The following FGF14 variants were observed in gnomAD, a reference collection of about 807,000 sequenced individuals.
The protein encoded by FGF14 is fibroblast growth factor homologous factor 4.
A neutral mutation model predicts 25.5 loss-of-function variants in FGF14; 5 were observed. The observed-to-expected ratio is 0.20, with a 90% CI of 0.10 to 0.41. The LOEUF is 0.41. Ranked by LOEUF, FGF14 falls within the 10% of genes least tolerant of loss-of-function variation. FGF14 has a pLI of 1.00. For missense variants in FGF14, 222 were observed against 320.1 expected, an observed-to-expected ratio of 0.69 and a Z score of 2.34; for synonymous variants, 138 against 118.3, an observed-to-expected ratio of 1.17 and a Z score of -1.08.
At chr13:102,309,327 G>A (rs2055599081) in intron 1 of FGF14, among the ~76,000 whole-genome samples, 1 of 152,162 alleles carries the variant, frequency 6.6e-6, no homozygotes, top group African/African-American at 2.4e-5. Flanking sequence ...GCATAAAGGA[G>A]TTTCTGGAAC....
chr13:101,870,327 G>A (rs892105421), intron 2 of FGF14, among the ~76,000 whole-genome samples: 7 of 151,996 alleles, frequency 4.6e-5, no homozygotes, highest in African/African-American at 1.7e-4. Flanking sequence ...CTTACATCTT[G>A]AAAGAATGGG....
intron 3 of FGF14, among the ~76,000 whole-genome samples, chr13:101,832,318 CCTCT>C (rs2042711321): frequency 6.6e-6 from 1 of 152,040 alleles, no homozygotes; most frequent in Admixed American, 6.6e-5. Flanking sequence ...TGATCTCTGA[CCTCT>C]GGCCTGGAGA....
chr13:102,324,543 T>G (rs747750291), intron 1 of FGF14, among the ~76,000 whole-genome samples: 8 of 152,210 alleles, frequency 5.3e-5, no homozygotes, highest in Non-Finnish European at 1.2e-4. Flanking sequence ...ATGCTAGTGG[T>G]CCTTGTCAGG....
intron 1 of FGF14, among the ~76,000 whole-genome samples, chr13:101,894,321 T>C (rs2030281684): frequency 6.6e-6 from 1 of 152,202 alleles, no homozygotes; most frequent in African/African-American, 2.4e-5. Flanking sequence ...ATTGTCATGA[T>C]ACTTTATTTA....
At chr13:102,211,020 A>C (rs184188432) in intron 1 of FGF14, among the ~76,000 whole-genome samples, 1 of 152,232 alleles carries the variant, frequency 6.6e-6, no homozygotes, top group African/African-American at 2.4e-5. Flanking sequence ...AACTATGACC[A>C]CCTTTGTTTA....
At chr13:102,333,859 G>A (rs1329204523) in intron 1 of FGF14, among the ~76,000 whole-genome samples, 16 of 152,278 alleles carry the variant, frequency 1.1e-4, no homozygotes, top group Admixed American at 8.5e-4. Flanking sequence ...AGCCACCACA[G>A]GATGTTTCTT....
intron 1 of FGF14, among the ~76,000 whole-genome samples, chr13:101,943,822 A>ATATATATATAT (rs1266549387): frequency 7.3e-5 from 9 of 122,452 alleles, no homozygotes; most frequent in African/African-American, 4.4e-4. Flanking sequence ...TAAAAAAAAA[A>ATATATATATAT]AAAAATATAT....
At chr13:102,125,130 T>C (rs559250528) in intron 1 of FGF14, among the ~76,000 whole-genome samples, 1 of 152,288 alleles carries the variant, frequency 6.6e-6, no homozygotes, top group East Asian at 1.9e-4. Context: ...TAAGCTAAAC[T>C]CACAGATATT....
intron 1 of FGF14, among the ~76,000 whole-genome samples, chr13:102,147,015 A>G (rs2046883019): frequency 6.6e-6 from 1 of 152,240 alleles, no homozygotes; most frequent in Admixed American, 6.5e-5. Context: ...AGTGATGCTC[A>G]TTGATGGAAG....
intron 3 of FGF14, among the ~76,000 whole-genome samples, chr13:101,843,629 T>C (rs1296250921): frequency 6.6e-6 from 1 of 151,984 alleles, no homozygotes; most frequent in Non-Finnish European, 1.5e-5. Flanking sequence ...CAAATCCTTA[T>C]GATATCATAA....
chr13:102,078,052 G>C (rs2043443928), intron 1 of FGF14, among the ~76,000 whole-genome samples: 1 of 152,186 alleles, frequency 6.6e-6, no homozygotes. Flanking sequence ...AACAAATACT[G>C]CATGTCCTCA....
intron 1 of FGF14, among the ~76,000 whole-genome samples, chr13:101,884,139 C>G (rs951038248): frequency 1.4e-5 from 2 of 142,804 alleles, no homozygotes; most frequent in Non-Finnish European, 1.5e-5. Context: ...AAGAGCAACA[C>G]AAAAAGGAAA....
chr13:101,890,925 CT>C (rs373528994), intron 1 of FGF14, among the ~76,000 whole-genome samples: 25 of 149,072 alleles, frequency 1.7e-4, no homozygotes, highest in South Asian at 6.4e-4. Flanking sequence ...TTTCAAGAGC[CT>C]TTTTTTTTTC....
At chr13:102,291,481 TC>T (rs2054392589) in intron 1 of FGF14, among the ~76,000 whole-genome samples, 1 of 152,170 alleles carries the variant, frequency 6.6e-6, no homozygotes, top group African/African-American at 2.4e-5. Context: ...AGGAGTGTAT[TC>T]CTTCCCCGTG....
At chr13:102,067,941 A>G (rs1598753) in intron 1 of FGF14, among the ~76,000 whole-genome samples, 5,227 of 152,290 alleles carry the variant, frequency 0.034, 276 homozygotes, top group African/African-American at 0.12. Flanking sequence ...AACATACAAT[A>G]GCACTCCAAT....
At chr13:102,021,657 C>G (rs1307248246) in intron 1 of FGF14, among the ~76,000 whole-genome samples, 4 of 151,866 alleles carry the variant, frequency 2.6e-5, no homozygotes, top group Non-Finnish European at 5.9e-5. Flanking sequence ...GAAAATTGTT[C>G]ATCAATTAAA....
intron 1 of FGF14, among the ~76,000 whole-genome samples, chr13:101,975,294 G>C (rs911176852): frequency 6.6e-6 from 1 of 152,046 alleles, no homozygotes; most frequent in African/African-American, 2.4e-5. Context: ...CCTCCAGTGG[G>C]AGCCAGCACT....
chr13:102,263,682 A>G, intron 1 of FGF14, among the ~76,000 whole-genome samples: 1 of 152,232 alleles, frequency 6.6e-6, no homozygotes, highest in African/African-American at 2.4e-5. Flanking sequence ...AAATATTTCT[A>G]GTACAGTATT....
intron 1 of FGF14, among the ~76,000 whole-genome samples, chr13:101,926,795 G>C (rs1331500300): frequency 6.6e-6 from 1 of 152,180 alleles, no homozygotes; most frequent in African/African-American, 2.4e-5. Context: ...TATAGCTGTA[G>C]GGGAAGTAGA....
Sources: gnomAD v4.1 joint callset for allele counts (sites outside exome capture counted in the v4.1 genomes callset) on GRCh38, gnomAD v4.1.1 for gene constraint, MANE v1.5 for transcripts, NCBI Gene and HGNC (gene_info 2026-07-23, HGNC 2026-07-21) for gene names.